Variants in ASAP1 observed in about 807,000 individuals in gnomAD.
The protein encoded by ASAP1 is arf-GAP with SH3 domain, ANK repeat and PH domain-containing protein 1.
ASAP1 carries 43 observed loss-of-function variants against 145.2 expected under a neutral mutation model. The observed-to-expected ratio is 0.30, with a 90% CI of 0.23 to 0.38. The LOEUF (loss-of-function observed/expected upper bound fraction) is 0.38, where lower values mean the gene tolerates loss of function less well. ASAP1 is among the 10% of genes least tolerant of loss of function. The pLI is 1.00. For synonymous variants in ASAP1, 546 were observed against 515.5 expected (o/e 1.06, Z -0.80); for missense variants, 1,018 against 1,355.3 (o/e 0.75, Z 3.91).
At chr8:130,294,818 CTT>C (rs1007812427) in intron 3 of ASAP1, among the ~76,000 whole-genome samples, 80 of 152,284 alleles carry the variant, frequency 5.3e-4, no homozygotes, top group African/African-American at 1.9e-3. Flanking sequence ...ACAAATGACT[CTT>C]TGGTTTAACT....
intron 11 of ASAP1, among the ~76,000 whole-genome samples, chr8:130,165,177 G>A (rs1451822020): frequency 6.6e-6 from 1 of 152,102 alleles, no homozygotes; most frequent in East Asian, 1.9e-4. Context: ...TTGTTCTTTA[G>A]CTAGCATGAG....
chr8:130,142,281 T>G (rs2097613813), intron 13 of ASAP1, among the ~76,000 whole-genome samples: 1 of 152,188 alleles, frequency 6.6e-6, no homozygotes, highest in Non-Finnish European at 1.5e-5. Context: ...GAATAACAGC[T>G]GGATGCCCAG....
intron 4 of ASAP1, among the ~76,000 whole-genome samples, chr8:130,230,073 C>G (rs1032402198): frequency 3.8e-5 from 1 of 26,506 alleles, no homozygotes; most frequent in African/African-American, 2.1e-4. Context: ...CCAAAACAAA[C>G]AAACAAACAA....
At chr8:130,132,390 C>T (rs929116774) in intron 15 of ASAP1, among the ~76,000 whole-genome samples, 3 of 149,504 alleles carry the variant, frequency 2.0e-5, no homozygotes, top group Admixed American at 1.3e-4. Context: ...CAACTCTATA[C>T]CCATAACAAC....
At chr8:130,184,262 C>A (rs552462501) in intron 7 of ASAP1, among the ~76,000 whole-genome samples, 1 of 152,230 alleles carries the variant, frequency 6.6e-6, no homozygotes, top group African/African-American at 2.4e-5. Context: ...AACAAGGGTG[C>A]GAAAGTGATG....
intron 18 of ASAP1, 55 bp from the exon 19 acceptor site, chr8:130,118,730 C>T (rs1192864054): frequency 8.2e-7 from 1 of 1,224,520 alleles, no homozygotes; most frequent in Non-Finnish European, 1.1e-6. Context: ...GAAAGGTTTA[C>T]ATTTTTCTGA....
chr8:130,167,390 T>C (rs2097682087), intron 11 of ASAP1, 146 bp downstream of exon 11: 4 of 794,706 alleles, frequency 5.0e-6, no homozygotes, highest in South Asian at 1.4e-5. Context: ...GGAACTAAAA[T>C]ACAGTTTCTA....
chr8:130,231,260 G>T (rs7018391), intron 4 of ASAP1, among the ~76,000 whole-genome samples: 1 of 152,026 alleles, frequency 6.6e-6, no homozygotes. Context: ...AAAAATGTAA[G>T]GAAATGAGAA....
intron 1 of ASAP1, among the ~76,000 whole-genome samples, chr8:130,428,782 T>A (rs1267583760): frequency 7.0e-6 from 1 of 142,616 alleles, no homozygotes; most frequent in African/African-American, 2.6e-5. Context: ...ACCACCATCA[T>A]CATATCATCA....
At chr8:130,063,341 CTAATTTT>C (rs757670198) in intron 27 of ASAP1, among the ~76,000 whole-genome samples, 5 of 152,152 alleles carry the variant, frequency 3.3e-5, no homozygotes, top group Non-Finnish European at 5.9e-5. Context: ...CCGCACTCAG[CTAATTTT>C]TAATTTTTTA....
At chr8:130,062,147 C>T (rs1417550660) in intron 27 of ASAP1, among the ~76,000 whole-genome samples, 1 of 152,230 alleles carries the variant, frequency 6.6e-6, no homozygotes, top group Non-Finnish European at 1.5e-5. Context: ...TATTACATTC[C>T]TGTTTTACTC....
intron 5 of ASAP1, among the ~76,000 whole-genome samples, chr8:130,193,889 C>T (rs1815307779): frequency 6.6e-6 from 1 of 152,160 alleles, no homozygotes; most frequent in African/African-American, 2.4e-5. Flanking sequence ...GGGGTCTTCC[C>T]TTGTTGGTCA....
chr8:130,306,137 A>G (rs889740361), intron 3 of ASAP1, among the ~76,000 whole-genome samples: 5 of 152,194 alleles, frequency 3.3e-5, no homozygotes, highest in East Asian at 1.9e-4. Flanking sequence ...TTTTTCATAT[A>G]AAGAATGGTG....
At chr8:130,436,214 A>C (rs1003270547) in intron 1 of ASAP1, among the ~76,000 whole-genome samples, 3 of 152,232 alleles carry the variant, frequency 2.0e-5, no homozygotes, top group Non-Finnish European at 2.9e-5. Context: ...TAAAAGTAAA[A>C]TGTATAGTCA....
intron 3 of ASAP1, among the ~76,000 whole-genome samples, chr8:130,331,129 GGC>G (rs1824661166): frequency 6.6e-6 from 1 of 152,160 alleles, no homozygotes; most frequent in African/African-American, 2.4e-5. Context: ...GAACCTAGCA[GGC>G]ACACATATTA....
At chr8:130,082,348 G>T (rs1317664933) in intron 25 of ASAP1, among the ~76,000 whole-genome samples, 1 of 151,784 alleles carries the variant, frequency 6.6e-6, no homozygotes, top group Non-Finnish European at 1.5e-5. Flanking sequence ...TTCAAGGTAG[G>T]GCATTTATTT....
chr8:130,098,537 G>C (rs191689353), intron 24 of ASAP1, among the ~76,000 whole-genome samples: 101 of 152,172 alleles, frequency 6.6e-4, no homozygotes, highest in African/African-American at 2.3e-3. Flanking sequence ...GTAGAGACAA[G>C]GTTTCACCAT....
intron 15 of ASAP1, 39 bp from the exon 16 acceptor site, chr8:130,128,129 G>C: frequency 2.1e-3 from 859 of 408,588 alleles, no homozygotes; most frequent in Non-Finnish European, 3.0e-3. Flanking sequence ...GTCTTTATAA[G>C]AGCATGGTCA....
chr8:130,315,559 C>A lies in ASAP1; in HGVS notation c.186+42458G>T, dbSNP rs75351814. On this transcript the variant is annotated intron_variant, in intron 3 of 29. Coordinates refer to ENST00000518721, the MANE Select transcript of ASAP1 (RefSeq NM_018482.4). ...TCTTCCTTTCTCTAAGGAGAAGAGG[C>A]GAGTCTGAATTAGGCTGAGCCAAGA... Among the ~76,000 whole-genome samples, 242 of 152,290 alleles carry A rather than the reference C, an allele frequency of 1.6e-3. 2 individuals carry two copies. In the East Asian group the frequency reaches 0.028, roughly 18 times the overall value.
Sources: allele counts gnomAD v4.1 joint callset (sites outside exome capture counted in the v4.1 genomes callset), GRCh38; gene constraint gnomAD v4.1.1; transcripts MANE v1.5; gene names NCBI Gene and HGNC (gene_info 2026-07-23, HGNC 2026-07-21).